Variants in FAM135B observed in about 807,000 individuals in gnomAD.
FAM135B encodes the protein protein FAM135B.
In FAM135B, 43 loss-of-function variants were observed where a neutral mutation model predicts 127.7. That is an observed-to-expected ratio of 0.34 (90% CI 0.26 to 0.43). The LOEUF (loss-of-function observed/expected upper bound fraction) is 0.43, where lower values mean the gene tolerates loss of function less well. Ranked by LOEUF, FAM135B falls within the 20% of genes least tolerant of loss-of-function variation. The probability of loss-of-function intolerance (pLI) is 1.00; values close to 1 mark genes in which losing one functional copy is unlikely to be tolerated. For synonymous variants in FAM135B, 670 were observed against 665.1 expected (o/e 1.01, Z -0.11); for missense variants, 1,558 against 1,725.6 (o/e 0.90, Z 1.72).
intron 3 of FAM135B, 51 bp downstream of exon 3, chr8:138,310,790 A>G (rs2130891885): frequency 6.5e-7 from 1 of 1,535,908 alleles, no homozygotes; most frequent in East Asian, 2.2e-5. Context: ...GCAGTGACAA[A>G]GGGAGGTTCG....
chr8:138,424,047 T>C (rs910245612), intron 1 of FAM135B, among the ~76,000 whole-genome samples: 2 of 152,196 alleles, frequency 1.3e-5, no homozygotes, highest in Admixed American at 6.5e-5. Flanking sequence ...GCTGTTATCA[T>C]GTTCTTTTTT....
At chr8:138,208,832 G>T (rs1817912161) in intron 7 of FAM135B, among the ~76,000 whole-genome samples, 1 of 152,062 alleles carries the variant, frequency 6.6e-6, no homozygotes, top group African/African-American at 2.4e-5. Context: ...TAGTAAATTA[G>T]TCAATTCTTA....
intron 2 of FAM135B, among the ~76,000 whole-genome samples, chr8:138,332,279 G>C (rs1156780238): frequency 1.3e-5 from 2 of 152,148 alleles, no homozygotes; most frequent in Non-Finnish European, 2.9e-5. Flanking sequence ...GGCCCATGAT[G>C]ATCTCTGCTT....
At chr8:138,388,211 A>G (rs1219773520) in intron 1 of FAM135B, among the ~76,000 whole-genome samples, 1 of 152,216 alleles carries the variant, frequency 6.6e-6, no homozygotes, top group Non-Finnish European at 1.5e-5. Flanking sequence ...CTACATGTCG[A>G]TTAGAAGTGC....
At chr8:138,161,524 C>A (rs983349043) in intron 12 of FAM135B, among the ~76,000 whole-genome samples, 2 of 152,096 alleles carry the variant, frequency 1.3e-5, no homozygotes, top group African/African-American at 2.4e-5. Context: ...TTTTTATTTT[C>A]TTTAAAAAGT....
chr8:138,374,516 C>G (rs114817434), intron 1 of FAM135B, among the ~76,000 whole-genome samples: 2,088 of 152,290 alleles, frequency 0.014, 46 homozygotes, highest in African/African-American at 0.047. Flanking sequence ...GCACTCCATT[C>G]CTAACCTGGC....
At chr8:138,408,576 GGATAATTTAT>G (rs1218054480) in intron 1 of FAM135B, among the ~76,000 whole-genome samples, 3 of 152,116 alleles carry the variant, frequency 2.0e-5, no homozygotes, top group Non-Finnish European at 4.4e-5. Context: ...ACCTGAGACT[GGATAATTTAT>G]GATCAAAATA....
At chr8:138,479,196 G>A (rs183848019) in intron 1 of FAM135B, among the ~76,000 whole-genome samples, 52 of 152,294 alleles carry the variant, frequency 3.4e-4, no homozygotes, top group African/African-American at 1.1e-3. Context: ...GCACTTCCAC[G>A]TGTTCACCAA....
intron 1 of FAM135B, among the ~76,000 whole-genome samples, chr8:138,456,631 T>C (rs543362252): frequency 1.3e-5 from 2 of 152,302 alleles, no homozygotes; most frequent in African/African-American, 4.8e-5. Context: ...GTAACAATTA[T>C]GCCTCCAGCT....
intron 6 of FAM135B, among the ~76,000 whole-genome samples, chr8:138,247,438 G>A (rs4033106): frequency 6.6e-6 from 1 of 151,966 alleles, no homozygotes. Context: ...GTTTTATAAG[G>A]GCCTTTTATC....
intron 12 of FAM135B, among the ~76,000 whole-genome samples, chr8:138,158,359 C>G (rs1818980890): frequency 6.6e-6 from 1 of 152,108 alleles, no homozygotes; most frequent in Non-Finnish European, 1.5e-5. Flanking sequence ...TAGAAGAAAA[C>G]CTAGGCAATA....
rs529715305 is a variant in FAM135B, at chr8:138,333,383, CTG to C, written c.78-22465_78-22464del. Among the ~76,000 whole-genome samples the C allele has an allele frequency of 4.5e-3, 688 of 152,310 alleles. 1 individual carries two copies. The highest frequency in any genetic ancestry group is 0.01 in the Middle Eastern group (3 of 294). ...GGCATCTGCCTTTGTACCAGGTATGCTGTGTTGCTGGTGTGCAAATGCATCAT... is the reference window on the plus strand; with the variant it reads ...GGCATCTGCCTTTGTACCAGGTATGCTGTTGCTGGTGTGCAAATGCATCAT... On this transcript the variant is annotated intron_variant, in intron 2 of 19. Coordinates refer to ENST00000395297, the MANE Select transcript of FAM135B (RefSeq NM_015912.4).
intron 1 of FAM135B, chr8:138,425,511 C>T (rs1014022276): frequency 4.7e-5 from 7 of 147,540 alleles, no homozygotes; most frequent in African/African-American, 1.8e-4. Flanking sequence ...AGAGAAAGCA[C>T]CTCTGGCTCT....
At chr8:138,272,274 T>G (rs1360302984) in intron 3 of FAM135B, among the ~76,000 whole-genome samples, 2 of 152,196 alleles carry the variant, frequency 1.3e-5, no homozygotes, top group Non-Finnish European at 2.9e-5. Flanking sequence ...ATTTAGCGAA[T>G]CAATCCACCA....
chr8:138,479,133 G>A (rs1409703774), intron 1 of FAM135B, among the ~76,000 whole-genome samples: 1 of 152,174 alleles, frequency 6.6e-6, no homozygotes, highest in Non-Finnish European at 1.5e-5. Flanking sequence ...ATCAGGCCAG[G>A]TATGGAAAGC....
chr8:138,479,494 G>A (rs1330812644), intron 1 of FAM135B, among the ~76,000 whole-genome samples: 1 of 152,140 alleles, frequency 6.6e-6, no homozygotes, highest in Non-Finnish European at 1.5e-5. Context: ...AATCACAAAA[G>A]TTGCTACTTT....
chr8:138,476,889 A>C (rs535769280), intron 1 of FAM135B, among the ~76,000 whole-genome samples: 4 of 152,326 alleles, frequency 2.6e-5, no homozygotes, highest in South Asian at 2.1e-4. Flanking sequence ...GGACTGGGAT[A>C]ACTATAGATA....
intron 11 of FAM135B, among the ~76,000 whole-genome samples, chr8:138,173,165 G>C (rs1441543065): frequency 6.6e-6 from 1 of 152,144 alleles, no homozygotes; most frequent in Non-Finnish European, 1.5e-5. Context: ...TAGGGAAAGA[G>C]TCTCCTGAAA....
intron 7 of FAM135B, among the ~76,000 whole-genome samples, chr8:138,210,606 C>T (rs947192755): frequency 4.6e-5 from 7 of 152,116 alleles, no homozygotes; most frequent in Admixed American, 1.3e-4. Flanking sequence ...CCACACACTT[C>T]TAAACCATCA....
Sources: allele counts gnomAD v4.1 joint callset (sites outside exome capture counted in the v4.1 genomes callset), GRCh38; gene constraint gnomAD v4.1.1; transcripts MANE v1.5; gene names NCBI Gene and HGNC (gene_info 2026-07-23, HGNC 2026-07-21).